The following EPM2A variants were observed in gnomAD, a reference collection of about 807,000 sequenced individuals.
EPM2A encodes the protein laforin.
EPM2A carries 21 observed loss-of-function variants against 26.5 expected under a neutral mutation model. The observed-to-expected ratio is 0.79, with a 90% confidence interval of 0.56 to 1.14. EPM2A has a LOEUF of 1.14. Ranked by LOEUF, EPM2A falls within the 50% of genes most tolerant of loss-of-function variation. The pLI, the probability that EPM2A is intolerant of heterozygous loss-of-function variation, is 0.00. For missense variants in EPM2A, 458 were observed against 440.8 expected, an observed-to-expected ratio of 1.04 and a Z score of -0.35; for synonymous variants, 217 against 177.6, an observed-to-expected ratio of 1.22 and a Z score of -1.76.
intron 4 of EPM2A, among the ~76,000 whole-genome samples, chr6:145,419,903 CAT>C (rs1778760191): frequency 6.6e-6 from 1 of 151,884 alleles, no homozygotes; most frequent in African/African-American, 2.4e-5. Context: ...ATGAAACAAA[CAT>C]TGAATAGTTA....
intron 2 of EPM2A, among the ~76,000 whole-genome samples, chr6:145,530,234 A>T (rs2114782718): frequency 6.6e-6 from 1 of 152,278 alleles, no homozygotes; most frequent in Admixed American, 6.5e-5. Context: ...CTGTGGAGGG[A>T]CCAGTGTGGC....
intron 2 of EPM2A, chr6:145,637,059 T>C (rs1239579679): frequency 6.6e-6 from 1 of 152,184 alleles, no homozygotes. Flanking sequence ...AAATAACTCA[T>C]AAAAATCTTG....
chr6:145,489,738 G>C (rs558137009), intron 4 of EPM2A: 1 of 1,460,578 alleles, frequency 6.8e-7, no homozygotes, highest in African/African-American at 1.4e-5. Context: ...ATCTTCCCTG[G>C]CAGCCTCAGC....
chr6:145,461,316 A>T (rs1315045390), intron 4 of EPM2A, among the ~76,000 whole-genome samples: 1 of 152,180 alleles, frequency 6.6e-6, no homozygotes, highest in Non-Finnish European at 1.5e-5. Context: ...CACCATAGTC[A>T]ATACAGTCAG....
At chr6:145,536,239 C>T (rs1226677531) in intron 2 of EPM2A, among the ~76,000 whole-genome samples, 2 of 150,054 alleles carry the variant, frequency 1.3e-5, no homozygotes, top group Non-Finnish European at 3.0e-5. Context: ...CTCCCTTCCC[C>T]AGGTTGGTTT....
intron 4 of EPM2A, among the ~76,000 whole-genome samples, chr6:145,466,836 C>A (rs1779403356): frequency 6.6e-6 from 1 of 152,176 alleles, no homozygotes; most frequent in South Asian, 2.1e-4. Context: ...AGTTCATGTC[C>A]TTTGTAGGGA....
At position 145,626,196 on chromosome 6, in the gene EPM2A, C is replaced by A; in HGVS notation, c.*1220G>T. 1.0e-6 allele frequency: 1 copy of A among 996,992 alleles called. No individual in the cohort carries two copies. The highest frequency in any genetic ancestry group is 1.2e-6 in the Non-Finnish European group (1 of 836,686). 61.8% of individuals were successfully genotyped at this position (996,992 alleles called of 1,614,324 possible). On this transcript the variant is annotated 3_prime_UTR_variant, in exon 4 of 4. Transcript: ENST00000367519. Reference sequence around the variant, plus strand: ...ATCCTGCATTACAGTTGGTTGAATGCAGGTCTGTTTCTAGGCAGCACATTT... The same window carrying A: ...ATCCTGCATTACAGTTGGTTGAATGAAGGTCTGTTTCTAGGCAGCACATTT...
In EPM2A at chr6:145,469,788, C is replaced by G. The variant is rs544664680; in HGVS notation, c.555+32734G>C. ...GCAACCTAAGTGTCCATCAACAGAT[C>G]AATGGATAAAGAAAATATTGTGTTT... On this transcript the variant is annotated intron_variant, in intron 4 of 4. Transcript: ENST00000638717. 9.2e-5 allele frequency among the ~76,000 whole-genome samples: 14 copies of G among 152,134 alleles called. No individual in the cohort carries two copies. In the South Asian group the frequency reaches 1.2e-3, roughly 14 times the overall value.
intron 2 of EPM2A, among the ~76,000 whole-genome samples, chr6:145,572,520 G>T (rs1279289063): frequency 6.6e-6 from 1 of 152,186 alleles, no homozygotes; most frequent in Non-Finnish European, 1.5e-5. Flanking sequence ...TGATAGGCTG[G>T]TCAGGTCGCA....
chr6:145,534,448 A>T (rs1329243178), intron 2 of EPM2A, among the ~76,000 whole-genome samples: 1 of 152,236 alleles, frequency 6.6e-6, no homozygotes, highest in African/African-American at 2.4e-5. Context: ...AACTTAAAGG[A>T]GGGGGAGGAA....
At chr6:145,474,647 C>A (rs1779519661) in intron 4 of EPM2A, among the ~76,000 whole-genome samples, 1 of 152,052 alleles carries the variant, frequency 6.6e-6, no homozygotes, top group Non-Finnish European at 1.5e-5. Context: ...AGAGCTTCTG[C>A]ACAGCAAAAG....
Position 145,627,415 on chromosome 6 carries a change from G to C in EPM2A, c.*1C>G, listed in dbSNP as rs1775890481. On this transcript the variant is annotated 3_prime_UTR_variant, in exon 4 of 4. Coordinates refer to ENST00000367519, the MANE Select transcript of EPM2A (RefSeq NM_005670.4). ...GGAGGGGGCAGAAGCAGGCTGACCA[G>C]CTACAGGCTACACACAGAAGAACGA... is the stretch of plus-strand genomic sequence containing the variant. The C allele has an allele frequency of 6.2e-7, 1 of 1,614,018 alleles. No homozygotes were observed. Among genetic ancestry groups the C allele is most frequent in the South Asian group, 1.1e-5 (1 of 91,086 alleles).
At chr6:145,396,682 C>T (rs1019232404) in intron 4 of EPM2A, among the ~76,000 whole-genome samples, 1 of 152,206 alleles carries the variant, frequency 6.6e-6, no homozygotes, top group Non-Finnish European at 1.5e-5. Flanking sequence ...CCTAAACTCT[C>T]CTCCAAGTTA....
At chr6:145,633,003 C>G (rs1015001697) in intron 3 of EPM2A, among the ~76,000 whole-genome samples, 1 of 152,180 alleles carries the variant, frequency 6.6e-6, no homozygotes, top group Non-Finnish European at 1.5e-5. Context: ...CTAACAGTTA[C>G]GACTGTGACC....
chr6:145,435,861 G>A (rs896704286), intron 4 of EPM2A, among the ~76,000 whole-genome samples: 2 of 151,918 alleles, frequency 1.3e-5, no homozygotes, highest in Non-Finnish European at 2.9e-5. Flanking sequence ...AATATAGAGA[G>A]TTTTTTATAC....
intron 2 of EPM2A, among the ~76,000 whole-genome samples, chr6:145,564,213 A>T (rs1780848391): frequency 6.6e-6 from 1 of 152,250 alleles, no homozygotes; most frequent in Admixed American, 6.5e-5. Flanking sequence ...TAACCCACAA[A>T]TACAGAAAGC....
chr6:145,639,729 G>A (rs1157883019), intron 2 of EPM2A: 4 of 152,150 alleles, frequency 2.6e-5, no homozygotes, highest in African/African-American at 9.7e-5. Flanking sequence ...GAAATTATTT[G>A]TTATGAGAGA....
At chr6:145,413,156 A>G (rs1172240126) in intron 4 of EPM2A, among the ~76,000 whole-genome samples, 1 of 152,220 alleles carries the variant, frequency 6.6e-6, no homozygotes, top group African/African-American at 2.4e-5. Flanking sequence ...GAAGGTGACT[A>G]CATTGAATCA....
chr6:145,450,211 G>T (rs978800728), intron 4 of EPM2A, among the ~76,000 whole-genome samples: 20 of 151,630 alleles, frequency 1.3e-4, no homozygotes, highest in African/African-American at 4.8e-4. Context: ...AAATTAGCTG[G>T]GCGTGGTGGC....
Sources: gnomAD v4.1 joint callset for allele counts (sites outside exome capture counted in the v4.1 genomes callset) on GRCh38, gnomAD v4.1.1 for gene constraint, MANE v1.5 for transcripts, NCBI Gene and HGNC (gene_info 2026-07-23, HGNC 2026-07-21) for gene names.